Variants in SGCD observed in about 807,000 individuals in gnomAD.
SGCD encodes delta-sarcoglycan.
Under a neutral mutation model 36.6 loss-of-function variants are expected in SGCD, and 18 were observed. That is an observed-to-expected ratio of 0.49 (90% CI 0.34 to 0.73). The LOEUF is 0.73. SGCD is among the 30% of genes least tolerant of loss of function. SGCD has a pLI of 0.01. For missense variants in SGCD, 387 were observed against 346.7 expected, an observed-to-expected ratio of 1.12 and a Z score of -0.92; for synonymous variants, 133 against 130.6, an observed-to-expected ratio of 1.02 and a Z score of -0.12.
intron 7 of SGCD, among the ~76,000 whole-genome samples, chr5:156,724,833 A>G (rs780282468): frequency 2.0e-5 from 3 of 152,216 alleles, no homozygotes; most frequent in Non-Finnish European, 4.4e-5. Flanking sequence ...AATCCATGCC[A>G]ATCTGGAGAG....
intron 1 of SGCD, among the ~76,000 whole-genome samples, chr5:155,935,028 G>T (rs1193766725): frequency 6.6e-6 from 1 of 152,206 alleles, no homozygotes; most frequent in Non-Finnish European, 1.5e-5. Context: ...GGTGGCAGCA[G>T]TGATGTCCTC....
intron 1 of SGCD, among the ~76,000 whole-genome samples, chr5:155,880,964 A>G (rs898171561): frequency 6.6e-6 from 1 of 152,110 alleles, no homozygotes; most frequent in Non-Finnish European, 1.5e-5. Flanking sequence ...ACAATCACCT[A>G]TGTTATTTCT....
the SGCD span, among the ~76,000 whole-genome samples, chr5:155,735,858 G>A: frequency 6.6e-6 from 1 of 152,136 alleles, no homozygotes; most frequent in Non-Finnish European, 1.5e-5. Flanking sequence ...ACAAGAAAAT[G>A]TGTCTGGAGT....
chr5:156,439,453 A>G (rs2127794576), intron 3 of SGCD, among the ~76,000 whole-genome samples: 1 of 152,232 alleles, frequency 6.6e-6, no homozygotes, highest in South Asian at 2.1e-4. Context: ...TATCTAGGGT[A>G]GAGTTTCTCA....
At chr5:156,268,883 T>G (rs950901055) in intron 3 of SGCD, among the ~76,000 whole-genome samples, 1 of 152,104 alleles carries the variant, frequency 6.6e-6, no homozygotes, top group South Asian at 2.1e-4. Flanking sequence ...CATGAGCCAC[T>G]GTGCCCAGTC....
intron 3 of SGCD, among the ~76,000 whole-genome samples, chr5:156,151,207 T>G (rs569215981): frequency 6.6e-6 from 1 of 151,696 alleles, no homozygotes; most frequent in African/African-American, 2.4e-5. Context: ...CTCCATTCTT[T>G]ACATGAAGAC....
At chr5:155,931,026 A>C (rs1561653749) in intron 1 of SGCD, among the ~76,000 whole-genome samples, 1 of 152,106 alleles carries the variant, frequency 6.6e-6, no homozygotes, top group Non-Finnish European at 1.5e-5. Flanking sequence ...CTGATCTTCC[A>C]TAATGGTTAG....
At chr5:156,075,642 T>A (rs1485706923) in intron 1 of SGCD, among the ~76,000 whole-genome samples, 1 of 152,168 alleles carries the variant, frequency 6.6e-6, no homozygotes, top group Non-Finnish European at 1.5e-5. Context: ...TGGATTTTGA[T>A]GGGTAGAAAG....
intron 7 of SGCD, among the ~76,000 whole-genome samples, chr5:156,675,978 T>A (rs1400424574): frequency 6.6e-6 from 1 of 152,196 alleles, no homozygotes; most frequent in Non-Finnish European, 1.5e-5. Context: ...CTACGTTTTA[T>A]TCCTGTTGCC....
chr5:156,272,181 C>A (rs73302657), intron 3 of SGCD, among the ~76,000 whole-genome samples: 21,179 of 152,018 alleles, frequency 0.14, 2,054 homozygotes, highest in African/African-American at 0.27. Flanking sequence ...ATCTTCCCCC[C>A]ACTCTGTGAG....
chr5:155,746,011 C>T, the SGCD span, among the ~76,000 whole-genome samples: 45 of 152,218 alleles, frequency 3.0e-4, no homozygotes, highest in African/African-American at 9.9e-4. Flanking sequence ...ACATGTGCTG[C>T]AGTTGACACA....
chr5:156,280,460 A>G (rs1044898564), intron 3 of SGCD, among the ~76,000 whole-genome samples: 5 of 152,172 alleles, frequency 3.3e-5, no homozygotes, highest in Non-Finnish European at 4.4e-5. Context: ...GAGACTTTTG[A>G]ATATTTTATG....
chr5:156,272,932 T>C (rs948237723), intron 3 of SGCD, among the ~76,000 whole-genome samples: 14 of 152,258 alleles, frequency 9.2e-5, no homozygotes, highest in African/African-American at 3.4e-4. Flanking sequence ...TACAAAGAGA[T>C]GGCATGGCTC....
the SGCD span, among the ~76,000 whole-genome samples, chr5:155,842,996 A>G: frequency 5.6e-3 from 857 of 152,320 alleles, 3 homozygotes; most frequent in African/African-American, 0.02. Flanking sequence ...TTCAGTTTAT[A>G]TGAAGCCATA....
chr5:156,578,413 A>G (rs1244453924), intron 4 of SGCD, among the ~76,000 whole-genome samples: 1 of 152,170 alleles, frequency 6.6e-6, no homozygotes, highest in Non-Finnish European at 1.5e-5. Context: ...TGATATCAGG[A>G]TGATGCTGGC....
intron 7 of SGCD, among the ~76,000 whole-genome samples, chr5:156,657,008 G>C (rs1462357629): frequency 1.3e-5 from 2 of 152,100 alleles, no homozygotes; most frequent in African/African-American, 2.4e-5. Flanking sequence ...ATTAGACAAG[G>C]CTTGCACAAG....
chr5:156,549,650 G>C (rs1012395379), intron 4 of SGCD, among the ~76,000 whole-genome samples: 4 of 152,190 alleles, frequency 2.6e-5, no homozygotes, highest in African/African-American at 9.7e-5. Flanking sequence ...ATTAATTGTG[G>C]CATTAGTTTT....
the SGCD span, among the ~76,000 whole-genome samples, chr5:155,801,118 T>A: frequency 1.3e-5 from 2 of 152,204 alleles, no homozygotes; most frequent in Admixed American, 1.3e-4. Context: ...CCTCTCTGCC[T>A]TCTTGGCCTT....
intron 6 of SGCD, among the ~76,000 whole-genome samples, chr5:156,609,958 C>G (rs560667318): frequency 6.6e-6 from 1 of 151,942 alleles, no homozygotes; most frequent in Non-Finnish European, 1.5e-5. Context: ...AATTTTTTTT[C>G]GAGGTTTTTA....
Sources: allele counts gnomAD v4.1 joint callset (sites outside exome capture counted in the v4.1 genomes callset), GRCh38; gene constraint gnomAD v4.1.1; transcripts MANE v1.5; gene names NCBI Gene and HGNC (gene_info 2026-07-23, HGNC 2026-07-21).